The following UBE4A variants were observed in gnomAD, a reference collection of about 807,000 sequenced individuals.
UBE4A encodes ubiquitin conjugation factor E4 A.
UBE4A carries 48 observed loss-of-function variants against 117.9 expected under a neutral mutation model. The ratio of observed to expected loss-of-function variants is 0.41; its 90% confidence interval spans 0.32 to 0.52. The LOEUF is 0.52. Ranked by LOEUF, UBE4A falls within the 20% of genes least tolerant of loss-of-function variation. The pLI, the probability that UBE4A is intolerant of heterozygous loss-of-function variation, is 0.33. For missense variants in UBE4A, 1,067 were observed against 1,296.3 expected, an observed-to-expected ratio of 0.82 and a Z score of 2.72; for synonymous variants, 407 against 450.0, an observed-to-expected ratio of 0.90 and a Z score of 1.21.
chr11:118,377,063 A>AAT (rs1948659004), intron 10 of UBE4A, among the ~76,000 whole-genome samples: 1 of 152,074 alleles, frequency 6.6e-6, no homozygotes, highest in African/African-American at 2.4e-5. Flanking sequence ...TTAAAAAAAA[A>AAT]AGAGAGGAAG....
chr11:118,366,979 G>A (rs945762383), intron 2 of UBE4A, among the ~76,000 whole-genome samples: 4 of 150,982 alleles, frequency 2.6e-5, no homozygotes, highest in Admixed American at 6.6e-5. Flanking sequence ...CAAGGTGGGC[G>A]GATCACCTGA....
chr11:118,360,674 T>C (rs909843667), intron 1 of UBE4A, among the ~76,000 whole-genome samples: 16 of 152,230 alleles, frequency 1.1e-4, no homozygotes, highest in African/African-American at 3.1e-4. Flanking sequence ...AAGTCTGATG[T>C]TAACACACTT....
At chr11:118,369,379 CAG>C (rs1276513483) in intron 3 of UBE4A, 42 bp from the exon 4 acceptor site, 1 of 1,439,664 alleles carries the variant, frequency 6.9e-7, no homozygotes, top group East Asian at 2.3e-5. Context: ...CTGTATAAAA[CAG>C]AAGCATTATC....
chr11:118,388,210 A>G (rs915213448), intron 16 of UBE4A, among the ~76,000 whole-genome samples: 14 of 152,340 alleles, frequency 9.2e-5, no homozygotes, highest in Admixed American at 9.1e-4. Context: ...TGTGATAATG[A>G]CTAAAACTGA....
intron 18 of UBE4A, among the ~76,000 whole-genome samples, chr11:118,391,145 A>G (rs1948812394): frequency 6.6e-6 from 1 of 152,262 alleles, no homozygotes; most frequent in Non-Finnish European, 1.5e-5. Context: ...ACTTAGAACT[A>G]CAATATTCTT....
chr11:118,388,927 C>T (rs1948785672), intron 16 of UBE4A, among the ~76,000 whole-genome samples: 1 of 151,892 alleles, frequency 6.6e-6, no homozygotes, highest in Non-Finnish European at 1.5e-5. Context: ...CATGATCGTG[C>T]CACTGCACTG....
chr11:118,393,505 C>T (rs1338926093), intron 19 of UBE4A, among the ~76,000 whole-genome samples: 1 of 152,004 alleles, frequency 6.6e-6, no homozygotes, highest in South Asian at 2.1e-4. Context: ...CACCATGTTG[C>T]CCAGGCTGGT....
intron 1 of UBE4A, among the ~76,000 whole-genome samples, chr11:118,362,027 C>T (rs1382531142): frequency 5.3e-5 from 8 of 152,108 alleles, no homozygotes; most frequent in Admixed American, 5.2e-4. Context: ...ATGTAGAAAG[C>T]TAGTTTCTTT....
At chr11:118,368,125 T>A (rs1039718107) in intron 2 of UBE4A, among the ~76,000 whole-genome samples, 14 of 152,090 alleles carry the variant, frequency 9.2e-5, no homozygotes, top group Admixed American at 2.0e-4. Flanking sequence ...TCCCATTTTT[T>A]AAAAAAATTA....
At chr11:118,395,516 CCTT>C (rs1948862527) in intron 19 of UBE4A, among the ~76,000 whole-genome samples, 2 of 152,152 alleles carry the variant, frequency 1.3e-5, no homozygotes, top group South Asian at 2.1e-4. Context: ...CTGTCATAAA[CCTT>C]CTTATGTTTC....
intron 16 of UBE4A, among the ~76,000 whole-genome samples, chr11:118,388,390 C>G (rs1460452162): frequency 6.6e-6 from 1 of 152,100 alleles, no homozygotes; most frequent in Non-Finnish European, 1.5e-5. Flanking sequence ...GTGGCTCACG[C>G]CTGTAATCCC....
At position 118,368,706 on chromosome 11, in the gene UBE4A, C is replaced by G; in HGVS notation, c.197C>G (p.Ala66Gly). 1 of 1,614,174 alleles carries G rather than the reference C, an allele frequency of 6.2e-7. No individual in the cohort carries two copies. Among genetic ancestry groups the G allele is most frequent in the Non-Finnish European group, 8.5e-7 (1 of 1,180,028 alleles). ...CTGGATGAATTCGATTACTCTGTGGCTGAGATTAGCCGCTCATTCCGATCA... is the reference window on the plus strand; with the variant it reads ...CTGGATGAATTCGATTACTCTGTGGGTGAGATTAGCCGCTCATTCCGATCA... ...ESLDEFDYSV[A>G]EISRSFRSQQ... Residue 66 changes from alanine to glycine, a missense_variant, in exon 3 of 20, where the codon GCT becomes GGT. Coordinates refer to ENST00000252108, the MANE Select transcript of UBE4A (RefSeq NM_001204077.2).
rs753564653 is a variant in UBE4A at position 118,368,692 on chromosome 11, C to T, written c.183C>T (p.Phe61=). ...DNSVSESLDE[F]DYSVAEISRS... Reference sequence around the variant, plus strand: ...GCGTGTCAGAGAGCCTGGATGAATTCGATTACTCTGTGGCTGAGATTAGCC... The same window carrying T: ...GCGTGTCAGAGAGCCTGGATGAATTTGATTACTCTGTGGCTGAGATTAGCC... The change falls in exon 3 of 20, where the codon TTC becomes TTT. Residue 61 remains phenylalanine, a synonymous_variant. Coordinates refer to ENST00000252108, the MANE Select transcript of UBE4A (RefSeq NM_001204077.2). 18 of 1,614,046 alleles carry T rather than the reference C, an allele frequency of 1.1e-5. No individual in the cohort carries two copies. Among genetic ancestry groups the T allele is most frequent in the South Asian group, 9.9e-5 (9 of 91,094 alleles).
chr11:118,381,773 G>C (rs1228659380), intron 12 of UBE4A, among the ~76,000 whole-genome samples: 3 of 152,210 alleles, frequency 2.0e-5, no homozygotes, highest in African/African-American at 7.2e-5. Context: ...TCCACTGCCA[G>C]TCCCTGGTTA....
intron 10 of UBE4A, 95 bp downstream of exon 10, chr11:118,376,789 T>C (rs549232843): frequency 4.9e-6 from 7 of 1,423,430 alleles, no homozygotes; most frequent in Non-Finnish European, 6.6e-6. Flanking sequence ...GTAGCTCACA[T>C]CTTTAATCTC....
intron 15 of UBE4A, among the ~76,000 whole-genome samples, chr11:118,385,937 A>T (rs1401372154): frequency 6.6e-6 from 1 of 152,234 alleles, no homozygotes; most frequent in African/African-American, 2.4e-5. Flanking sequence ...TAAGTTTAAC[A>T]AGTTGTTTGC....
At position 118,371,629 on chromosome 11, in the gene UBE4A, G is replaced by A; in HGVS notation, c.524G>A (p.Cys175Tyr). Residue 175 changes from cysteine (C) to tyrosine (Y), a missense_variant, in exon 5 of 20, where the codon TGT becomes TAT. By Grantham distance (194) the Cys-to-Tyr change is radical (BLOSUM62 -2). Coordinates refer to ENST00000252108, the MANE Select transcript of UBE4A (RefSeq NM_001204077.2). ...DRDAGERHIF[C>Y]YLYSCFQRAK... ...GATGCAGGAGAGAGGCACATTTTTT[G>A]TTACCTTTACTCCTGCTTCCAGAGA... 1 of 1,613,456 alleles carries A rather than the reference G, an allele frequency of 6.2e-7. No homozygotes were observed.
chr11:118,386,189 A>G (rs1380034410), intron 15 of UBE4A, among the ~76,000 whole-genome samples: 2 of 152,130 alleles, frequency 1.3e-5, no homozygotes, highest in Non-Finnish European at 2.9e-5. Flanking sequence ...ACAATGCTAT[A>G]CTATTTCTAG....
chr11:118,372,574 C>A lies in UBE4A; in HGVS notation c.629C>A (p.Thr210Asn), dbSNP rs1216339031. ...VQCRNLTVSN[T>N]RTVLLTPEIY... ...TGCAGAAACCTCACTGTGTCCAATA[C>A]CCGAACAGTTCTTCTCACCCCAGAG... The change falls in exon 6 of 20, where the codon ACC becomes AAC. Residue 210 changes from threonine to asparagine, a missense_variant. By Grantham distance (65) the Thr-to-Asn change is moderately conservative. This residue lies in a region of UBE4A where 1,001 missense variants were observed against 1,184.0 expected (regional missense o/e 0.85). Coordinates refer to ENST00000252108, the MANE Select transcript of UBE4A (RefSeq NM_001204077.2). 1 of 1,614,124 alleles carries A rather than the reference C, an allele frequency of 6.2e-7. No individual in the cohort carries two copies. The highest frequency in any genetic ancestry group is 1.3e-5 in the African/African-American group (1 of 75,022).
Sources: gnomAD v4.1 joint callset for allele counts (sites outside exome capture counted in the v4.1 genomes callset) on GRCh38, gnomAD v4.1.1 for gene constraint, gnomAD v4.1.1 regional missense constraint, MANE v1.5 for transcripts, NCBI Gene and HGNC (gene_info 2026-07-23, HGNC 2026-07-21) for gene names.